SEMA5B: variants seen among roughly 807,000 people sequenced by gnomAD.
SEMA5B encodes the protein semaphorin-5B.
A neutral mutation model predicts 135.0 loss-of-function variants in SEMA5B; 66 were observed. The observed-to-expected ratio is 0.49, with a 90% CI of 0.40 to 0.60. SEMA5B has a LOEUF of 0.60. Ranked by LOEUF, SEMA5B falls within the 20% of genes least tolerant of loss-of-function variation. The pLI is 0.00. For missense variants in SEMA5B, 1,501 were observed against 1,566.3 expected, an observed-to-expected ratio of 0.96 and a Z score of 0.70; for synonymous variants, 690 against 639.5, an observed-to-expected ratio of 1.08 and a Z score of -1.19.
intron 1 of SEMA5B, among the ~76,000 whole-genome samples, chr3:122,978,589 A>G (rs892094143): frequency 6.7e-6 from 1 of 149,908 alleles, no homozygotes; most frequent in Non-Finnish European, 1.5e-5. Context: ...GCAGAAAGAG[A>G]CTCTCGGTGG....
At chr3:122,911,117 G>A in intron 21 of SEMA5B, 72 bp from the exon 22 acceptor site, 1 of 1,340,112 alleles carries the variant, frequency 7.5e-7, no homozygotes, top group South Asian at 1.3e-5. Context: ...GCCTCCCTGG[G>A]AGCAGAAACA....
intron 1 of SEMA5B, among the ~76,000 whole-genome samples, chr3:122,996,516 G>A (rs1452677275): frequency 6.6e-6 from 1 of 152,256 alleles, no homozygotes; most frequent in African/African-American, 2.4e-5. Flanking sequence ...CCAAGATCCA[G>A]GCACGAGCAG....
intron 2 of SEMA5B, among the ~76,000 whole-genome samples, chr3:122,951,993 C>G (rs556230798): frequency 1.3e-5 from 2 of 152,306 alleles, no homozygotes; most frequent in East Asian, 3.9e-4. Flanking sequence ...AATAACAGCA[C>G]GAAGCCAGAG....
At chr3:122,964,643 C>T (rs1162579012) in intron 1 of SEMA5B, among the ~76,000 whole-genome samples, 1 of 152,154 alleles carries the variant, frequency 6.6e-6, no homozygotes, top group Non-Finnish European at 1.5e-5. Context: ...TCCATGCCTC[C>T]CTCCTGGACA....
chr3:123,004,383 T>A (rs1942253213), intron 1 of SEMA5B, among the ~76,000 whole-genome samples: 1 of 152,234 alleles, frequency 6.6e-6, no homozygotes, highest in Non-Finnish European at 1.5e-5. Flanking sequence ...CCATTTGGCG[T>A]AAGCAAATTG....
At chr3:122,919,844 A>T (rs1415033458) in intron 12 of SEMA5B, among the ~76,000 whole-genome samples, 1 of 152,218 alleles carries the variant, frequency 6.6e-6, no homozygotes, top group African/African-American at 2.4e-5. Flanking sequence ...GGATGAAAGC[A>T]CCAAACTCCA....
Position 122,910,873 on chromosome 3 carries a change from C to T in SEMA5B, c.3264G>A (p.Pro1088=), listed in dbSNP as rs753033321. 27 of 1,611,404 alleles carry T rather than the reference C, an allele frequency of 1.7e-5. No homozygotes were observed. Among genetic ancestry groups the T allele is most frequent in the Middle Eastern group, 1.9e-4 (1 of 5,296 alleles). Reference sequence around the variant, plus strand: ...CCATGGGTGTGTACTTTTCATTCTTCGGGGTGCCTCCGCCCTTGTAGTGCA... The same window carrying T: ...CCATGGGTGTGTACTTTTCATTCTTTGGGGTGCCTCCGCCCTTGTAGTGCA... ...NHLHYKGGGT[P]KNEKYTPMEF... The change falls in exon 22 of 23, where the codon CCG becomes CCA. Residue 1088 remains proline, a synonymous_variant. Coordinates refer to ENST00000357599, the MANE Select transcript of SEMA5B (RefSeq NM_001031702.4).
chr3:122,938,582 G>T (rs940959580), intron 5 of SEMA5B, among the ~76,000 whole-genome samples: 4 of 152,184 alleles, frequency 2.6e-5, no homozygotes, highest in Non-Finnish European at 5.9e-5. Flanking sequence ...GATTAGGTTA[G>T]TCACTCATCA....
chr3:122,984,234 G>A (rs1240026579), intron 1 of SEMA5B, among the ~76,000 whole-genome samples: 2 of 152,312 alleles, frequency 1.3e-5, no homozygotes, highest in East Asian at 1.9e-4. Flanking sequence ...AGCTGGAGGC[G>A]GGCTCTGAAG....
At chr3:122,914,128 CT>C in intron 14 of SEMA5B, 127 bp from the exon 15 acceptor site, 3 of 1,076,244 alleles carry the variant, frequency 2.8e-6, no homozygotes, top group Non-Finnish European at 3.8e-6. Context: ...ATAGAAATAT[CT>C]TCTCCTAAAC....
chr3:122,923,103 C>A (rs1938451475), intron 10 of SEMA5B, among the ~76,000 whole-genome samples: 1 of 152,164 alleles, frequency 6.6e-6, no homozygotes, highest in Admixed American at 6.5e-5. Context: ...TGGGCGAACA[C>A]GAAAGTCAAC....
chr3:122,940,806 C>T (rs901967978), intron 4 of SEMA5B, among the ~76,000 whole-genome samples: 2 of 152,220 alleles, frequency 1.3e-5, no homozygotes, highest in Non-Finnish European at 1.5e-5. Context: ...TCTCCAACCC[C>T]CTCCCCAAGT....
At chr3:122,981,421 C>T (rs749898726) in intron 1 of SEMA5B, among the ~76,000 whole-genome samples, 7 of 152,214 alleles carry the variant, frequency 4.6e-5, no homozygotes, top group Non-Finnish European at 1.0e-4. Flanking sequence ...TGTGGCCAGG[C>T]GAATTTGACA....
At chr3:122,916,455 T>A (rs1204720426) in intron 12 of SEMA5B, among the ~76,000 whole-genome samples, 2 of 152,078 alleles carry the variant, frequency 1.3e-5, no homozygotes, top group Non-Finnish European at 2.9e-5. Context: ...AGGGGCGAAG[T>A]AGTGTTTAAA....
intron 1 of SEMA5B, among the ~76,000 whole-genome samples, chr3:122,996,370 CTG>C (rs1942023153): frequency 6.6e-6 from 1 of 152,248 alleles, no homozygotes; most frequent in Non-Finnish European, 1.5e-5. Context: ...CTAGGAAACA[CTG>C]GGCTGCCTTT....
At chr3:123,004,676 A>G (rs988331339) in intron 1 of SEMA5B, among the ~76,000 whole-genome samples, 12 of 152,338 alleles carry the variant, frequency 7.9e-5, no homozygotes, top group Middle Eastern at 3.4e-3. Flanking sequence ...GACTGCAAAT[A>G]TAACATACCC....
At chr3:123,005,216 C>G (rs55772836) in intron 1 of SEMA5B, among the ~76,000 whole-genome samples, 10,183 of 152,192 alleles carry the variant, frequency 0.067, 993 homozygotes, top group African/African-American at 0.22. Flanking sequence ...CCACCCCTGA[C>G]AGCATCAGGG....
At chr3:123,020,171 G>T (rs1180103037) in intron 1 of SEMA5B, among the ~76,000 whole-genome samples, 2 of 152,134 alleles carry the variant, frequency 1.3e-5, no homozygotes, top group African/African-American at 4.8e-5. Flanking sequence ...AGTGAAAAAT[G>T]GTTTACAATT....
chr3:122,994,227 G>A (rs1489823888), intron 1 of SEMA5B, among the ~76,000 whole-genome samples: 1 of 151,966 alleles, frequency 6.6e-6, no homozygotes, highest in Admixed American at 6.6e-5. Flanking sequence ...GGGAAACCAG[G>A]ACTGCAGAGA....
Sources: gnomAD v4.1 joint callset for allele counts (sites outside exome capture counted in the v4.1 genomes callset) on GRCh38, gnomAD v4.1.1 for gene constraint, MANE v1.5 for transcripts, NCBI Gene and HGNC (gene_info 2026-07-23, HGNC 2026-07-21) for gene names.